Variants in PMPCB observed in about 807,000 individuals in gnomAD.
PMPCB encodes the protein mitochondrial-processing peptidase subunit beta.
A neutral mutation model predicts 61.5 loss-of-function variants in PMPCB; 46 were observed. That is an observed-to-expected ratio of 0.75 (90% CI 0.59 to 0.96). The LOEUF is 0.96. Among genes scored for constraint, PMPCB ranks in the 40% least tolerant of loss-of-function variants. The pLI is 0.00. For missense variants in PMPCB, 590 were observed against 602.4 expected, an observed-to-expected ratio of 0.98 and a Z score of 0.22; for synonymous variants, 191 against 201.6, an observed-to-expected ratio of 0.95 and a Z score of 0.44.
chr7:103,347,463 C>G, the PMPCB span: 1 of 404,186 alleles, frequency 2.5e-6, no homozygotes, highest in Non-Finnish European at 4.7e-6. Context: ...GATGTGGCCA[C>G]TACTTATTGT....
At chr7:103,330,677 C>A (rs1272063760), downstream of PMPCB, among the ~76,000 whole-genome samples, 1 of 151,514 alleles carries the variant, frequency 6.6e-6, no homozygotes, top group African/African-American at 2.4e-5. Flanking sequence ...GTCTCGAACT[C>A]CTGACCTCGT....
chr7:103,302,967 T>G (rs1488340660), intron 4 of PMPCB, among the ~76,000 whole-genome samples: 1 of 152,220 alleles, frequency 6.6e-6, no homozygotes, highest in Non-Finnish European at 1.5e-5. Context: ...AACTATGTAC[T>G]AATTCTTCAA....
At chr7:103,334,225 A>G (rs1011319386), downstream of PMPCB, among the ~76,000 whole-genome samples, 1 of 151,406 alleles carries the variant, frequency 6.6e-6, no homozygotes, top group Non-Finnish European at 1.5e-5. Flanking sequence ...TGCTGGGATT[A>G]CAGGTGTGAG....
At position 103,329,283 on chromosome 7, in the gene PMPCB, A is replaced by G. The variant is rs557819611; in HGVS notation, c.*1784A>G. 2.6e-4 allele frequency: 49 copies of G among 187,540 alleles called. 2 individuals carry two copies. In the South Asian group the frequency reaches 4.4e-3, roughly 17 times the overall value. The allele number at this position is 187,540 out of a possible 1,614,324, so 11.6% of individuals were successfully genotyped here. A position where few individuals can be genotyped will look rare whatever the true frequency, so the allele number is the denominator to read the frequency against. On this transcript the variant is annotated 3_prime_UTR_variant and NMD_transcript_variant, in exon 13 of 13. Coordinates refer to the PMPCB transcript ENST00000444457. ...AGTGCTATTGCTGTCTCCATTTCAT[A>G]GATGAGGAAAATGAGGCACAGAGGA...
the PMPCB span, chr7:103,341,943 A>G: frequency 1.9e-6 from 3 of 1,602,060 alleles, no homozygotes; most frequent in Non-Finnish European, 1.7e-6. Context: ...TCAACTTGAC[A>G]GAGTGTAGAG....
At chr7:103,316,097 A>T (rs1368787599), downstream of PMPCB, 2 of 1,518,490 alleles carry the variant, frequency 1.3e-6, no homozygotes, top group Non-Finnish European at 1.8e-6. Context: ...ATCTGATAGG[A>T]TATATTATAC....
chr7:103,337,040 A>G, the PMPCB span: 1 of 152,172 alleles, frequency 6.6e-6, no homozygotes, highest in Non-Finnish European at 1.5e-5. Flanking sequence ...CTCAATATCC[A>G]TTCTCTAGAG....
intron 12 of PMPCB, among the ~76,000 whole-genome samples, chr7:103,321,084 G>C (rs1818379596): frequency 6.6e-6 from 1 of 151,218 alleles, no homozygotes; most frequent in African/African-American, 2.4e-5. Context: ...TGTAATCCCA[G>C]CTACTTGGGT....
intron 4 of PMPCB, among the ~76,000 whole-genome samples, chr7:103,303,362 A>G (rs1463746627): frequency 6.6e-6 from 1 of 152,206 alleles, no homozygotes; most frequent in African/African-American, 2.4e-5. Context: ...AGCCCATATT[A>G]GCCTCCCAAA....
chr7:103,315,780 A>G, downstream of PMPCB: 2 of 1,613,548 alleles, frequency 1.2e-6, no homozygotes, highest in Non-Finnish European at 1.7e-6. Flanking sequence ...ATCGTTCTGA[A>G]GGCGTTGCGT....
At chr7:103,298,754 T>G in intron 2 of PMPCB, 46 bp downstream of exon 2, 1 of 1,561,824 alleles carries the variant, frequency 6.4e-7, no homozygotes, top group African/African-American at 1.4e-5. Context: ...TCATTTAGCG[T>G]AGCAAATTGT....
chr7:103,299,472 A>G lies in PMPCB; in HGVS notation c.270A>G (p.Arg90=), dbSNP rs1430887851. 1.2e-6 allele frequency: 2 copies of G among 1,611,602 alleles called. No individual in the cohort carries two copies. The highest frequency in any genetic ancestry group is 1.7e-4 in the Middle Eastern group (1 of 6,058). The part of the protein sequence containing the change: ...TVGLWIDAGS[R]YENEKNNGTA... ...GACTCTGGATTGATGCTGGAAGTAG[A>G]TACGAAAATGAGAAGAACAATGGAA... Residue 90 remains arginine, a synonymous_variant, in exon 3 of 13, where the codon AGA becomes AGG. Transcript: ENST00000249269.
At chr7:103,297,720 G>A (rs1350658700) in intron 1 of PMPCB, 162 bp downstream of exon 1, 2 of 1,534,796 alleles carry the variant, frequency 1.3e-6, no homozygotes, top group African/African-American at 2.7e-5. Context: ...ACTGGCCGGG[G>A]GTGACTGGCT....
downstream of PMPCB, chr7:103,319,514 T>G (rs1818263936): frequency 1.8e-6 from 2 of 1,118,268 alleles, no homozygotes; most frequent in Non-Finnish European, 2.7e-6. Context: ...AATCAGATAC[T>G]CCCTGCACTT....
At chr7:103,332,235 G>C (rs1023018343), downstream of PMPCB, among the ~76,000 whole-genome samples, 25 of 152,276 alleles carry the variant, frequency 1.6e-4, no homozygotes, top group African/African-American at 6.0e-4. Flanking sequence ...TCGATCTCCT[G>C]ACCTCATGAT....
Position 103,308,999 on chromosome 7 carries a change from T to A in PMPCB, c.897T>A (p.Ala299=). The change falls in exon 8 of 13, where the codon GCT becomes GCA. Residue 299 remains alanine, a synonymous_variant. Transcript: ENST00000249269. ...DKMPLAHLAI[A]VEAVGWAHPD... is the part of the protein sequence containing the mutation. ...TGCCTTTGGCGCACCTTGCAATAGC[T>A]GTTGAAGCTGTTGGTTGGGCACATC... 2 of 1,606,226 alleles carry A rather than the reference T, an allele frequency of 1.2e-6. No homozygotes were observed. The highest frequency in any genetic ancestry group is 1.7e-4 in the Middle Eastern group (1 of 6,018).
intron 6 of PMPCB, 125 bp downstream of exon 6, chr7:103,304,615 G>T: frequency 4.2e-6 from 3 of 707,668 alleles, no homozygotes; most frequent in Non-Finnish European, 7.7e-6. Flanking sequence ...CTGATAGTGT[G>T]TAAGGGGAAT....
At chr7:103,325,235 G>C (rs754844281) in intron 12 of PMPCB, among the ~76,000 whole-genome samples, 22 of 152,214 alleles carry the variant, frequency 1.4e-4, no homozygotes, top group African/African-American at 2.4e-5. Context: ...CCTGAGGCCA[G>C]GAGTTTGAGA....
chr7:103,320,381 C>T (rs918196772), intron 12 of PMPCB, among the ~76,000 whole-genome samples: 5 of 152,174 alleles, frequency 3.3e-5, no homozygotes, highest in South Asian at 2.1e-4. Context: ...CCACCGCGCC[C>T]GGCTGTTTTT....
Sources: allele counts gnomAD v4.1 joint callset (sites outside exome capture counted in the v4.1 genomes callset), GRCh38; gene constraint gnomAD v4.1.1; transcripts MANE v1.5; gene names NCBI Gene and HGNC (gene_info 2026-07-23, HGNC 2026-07-21).